AGFG1: variants seen among roughly 807,000 people sequenced by gnomAD.
The protein encoded by AGFG1 is ArfGAP with FG repeats 1, also known as arf-GAP domain and FG repeat-containing protein 1.
In AGFG1, 10 loss-of-function variants were observed where a neutral mutation model predicts 60.6. The observed-to-expected ratio is 0.16, with a 90% CI of 0.10 to 0.28. The LOEUF (loss-of-function observed/expected upper bound fraction) is 0.28, where lower values mean the gene tolerates loss of function less well. AGFG1 is among the 10% of genes least tolerant of loss of function. AGFG1 has a pLI of 1.00. For missense variants in AGFG1, 537 were observed against 676.5 expected, an observed-to-expected ratio of 0.79 and a Z score of 2.29; for synonymous variants, 247 against 242.9, an observed-to-expected ratio of 1.02 and a Z score of -0.16.
chr2:227,509,577 G>A (rs944317405), intron 2 of AGFG1, among the ~76,000 whole-genome samples: 1 of 152,064 alleles, frequency 6.6e-6, no homozygotes, highest in Non-Finnish European at 1.5e-5. Context: ...GGCTTGTTAT[G>A]TCACCAATTT....
At chr2:227,509,547 A>G (rs191715373) in intron 2 of AGFG1, among the ~76,000 whole-genome samples, 69 of 152,280 alleles carry the variant, frequency 4.5e-4, no homozygotes, top group African/African-American at 1.5e-3. Flanking sequence ...TTTTTAGGAA[A>G]TATACATTTA....
chr2:227,511,343 C>T (rs1339125171), intron 2 of AGFG1, among the ~76,000 whole-genome samples: 1 of 152,166 alleles, frequency 6.6e-6, no homozygotes, highest in African/African-American at 2.4e-5. Flanking sequence ...GGGGTTGGCA[C>T]ACTTTTTCTG....
chr2:227,484,688 GTTTTTTTTTTTTTTTTTTTTTT>G (rs745570416), intron 1 of AGFG1, among the ~76,000 whole-genome samples: 4 of 25,092 alleles, frequency 1.6e-4, no homozygotes, highest in South Asian at 2.7e-3. Context: ...TTTTTTTTTT[GTTTTTTTTTTTTTTTTTTTTTT>G]TTTTTTTTTT....
intron 2 of AGFG1, among the ~76,000 whole-genome samples, chr2:227,515,908 G>A (rs1347060264): frequency 1.3e-5 from 2 of 152,142 alleles, no homozygotes; most frequent in Non-Finnish European, 2.9e-5. Flanking sequence ...ACCTTTCAGG[G>A]ACTAAACTGT....
chr2:227,547,256 A>C (rs1452073484), intron 10 of AGFG1, among the ~76,000 whole-genome samples: 2 of 152,210 alleles, frequency 1.3e-5, no homozygotes, highest in Non-Finnish European at 2.9e-5. Flanking sequence ...GCAAAAGCAA[A>C]GAAAAAACCC....
intron 10 of AGFG1, among the ~76,000 whole-genome samples, chr2:227,551,415 T>C (rs1355469072): frequency 6.6e-6 from 1 of 152,168 alleles, no homozygotes; most frequent in Non-Finnish European, 1.5e-5. Context: ...CTGGCTGTAG[T>C]TACAAAGCTG....
chr2:227,528,991 G>C (rs564658702), intron 5 of AGFG1, among the ~76,000 whole-genome samples: 1 of 152,310 alleles, frequency 6.6e-6, no homozygotes, highest in Non-Finnish European at 1.5e-5. Context: ...CAGGCTGCCT[G>C]AGAGGAGTTG....
At chr2:227,487,120 C>T (rs1471358224) in intron 1 of AGFG1, among the ~76,000 whole-genome samples, 4 of 151,998 alleles carry the variant, frequency 2.6e-5, no homozygotes, top group Non-Finnish European at 5.9e-5. Flanking sequence ...AATGGAAAAC[C>T]GCCCTCCTTC....
chr2:227,526,347 C>T (rs1418177944), intron 5 of AGFG1, among the ~76,000 whole-genome samples: 1 of 151,372 alleles, frequency 6.6e-6, no homozygotes, highest in Non-Finnish European at 1.5e-5. Flanking sequence ...GCGTGTGCCA[C>T]AGCACCCGAA....
chr2:227,504,114 T>C (rs1287824944), intron 2 of AGFG1, among the ~76,000 whole-genome samples: 1 of 151,922 alleles, frequency 6.6e-6, no homozygotes, highest in East Asian at 1.9e-4. Context: ...AGGGAGGGAC[T>C]GGTCTTGCTG....
rs868824008 is a variant in AGFG1 at position 227,486,384 on chromosome 2, C to T, written c.168-5163C>T. Among the ~76,000 whole-genome samples the T allele has an allele frequency of 1.6e-4, 25 of 152,100 alleles. 1 individual carries two copies. The highest frequency in any genetic ancestry group is 5.8e-4 in the African/African-American group (24 of 41,472). On this transcript the variant is annotated intron_variant, in intron 1 of 12. Coordinates refer to ENST00000310078, the MANE Select transcript of AGFG1 (RefSeq NM_004504.5). ...GTAGTAGAGGAGCCTTTTCAGTTTG[C>T]CATACTGTTGGAAGTAGAAATTAAT... is the stretch of plus-strand genomic sequence containing the variant.
intron 2 of AGFG1, among the ~76,000 whole-genome samples, chr2:227,495,804 GTA>G (rs1241228014): frequency 6.6e-6 from 1 of 151,968 alleles, no homozygotes; most frequent in African/African-American, 2.4e-5. Context: ...AAGACTAAAA[GTA>G]AAAGCATTAC....
chr2:227,542,588 G>A (rs906042780), intron 10 of AGFG1, among the ~76,000 whole-genome samples: 19 of 152,122 alleles, frequency 1.2e-4, no homozygotes, highest in African/African-American at 4.1e-4. Context: ...TTTTTACATC[G>A]ATGTTCATCA....
At chr2:227,497,173 C>CT (rs1553540846) in intron 2 of AGFG1, among the ~76,000 whole-genome samples, 2 of 151,046 alleles carry the variant, frequency 1.3e-5, no homozygotes, top group Admixed American at 1.3e-4. Flanking sequence ...CTTCCCCCCC[C>CT]ACCCCACACA....
intron 2 of AGFG1, among the ~76,000 whole-genome samples, chr2:227,498,870 ATC>A (rs1691061497): frequency 6.6e-6 from 1 of 152,144 alleles, no homozygotes; most frequent in East Asian, 1.9e-4. Flanking sequence ...GCTTCCTGTA[ATC>A]TCTTAGCTTG....
intron 1 of AGFG1, among the ~76,000 whole-genome samples, chr2:227,481,818 C>T (rs898826222): frequency 1.4e-5 from 2 of 147,782 alleles, no homozygotes; most frequent in Admixed American, 6.7e-5. Flanking sequence ...ACTGTCATTT[C>T]GTTGTGGGTT....
At chr2:227,498,153 A>T (rs910607613) in intron 2 of AGFG1, among the ~76,000 whole-genome samples, 9 of 151,956 alleles carry the variant, frequency 5.9e-5, no homozygotes, top group East Asian at 1.9e-4. Flanking sequence ...TTAAAAAAAA[A>T]TTTTTTTCCC....
chr2:227,503,558 C>T (rs1220547380), intron 2 of AGFG1, among the ~76,000 whole-genome samples: 2 of 152,172 alleles, frequency 1.3e-5, no homozygotes, highest in Non-Finnish European at 2.9e-5. Context: ...CTCTCCCTTC[C>T]TTCCTCATTT....
intron 10 of AGFG1, among the ~76,000 whole-genome samples, chr2:227,540,211 T>A (rs1459235690): frequency 6.6e-6 from 1 of 151,482 alleles, no homozygotes; most frequent in Non-Finnish European, 1.5e-5. Flanking sequence ...TTTTTTTTTT[T>A]ACTTTAAGTT....
Sources: allele counts gnomAD v4.1 joint callset (sites outside exome capture counted in the v4.1 genomes callset), GRCh38; gene constraint gnomAD v4.1.1; transcripts MANE v1.5; gene names NCBI Gene and HGNC (gene_info 2026-07-23, HGNC 2026-07-21).